Variants in HIVEP1 observed in about 807,000 individuals in gnomAD.
The protein encoded by HIVEP1 is HIVEP zinc finger 1.
A neutral mutation model predicts 180.0 loss-of-function variants in HIVEP1; 36 were observed. The observed-to-expected ratio is 0.20, with a 90% CI of 0.15 to 0.26. The LOEUF is 0.26. HIVEP1 is among the 10% of genes least tolerant of loss of function. The pLI, the probability that HIVEP1 is intolerant of heterozygous loss-of-function variation, is 1.00. For synonymous variants in HIVEP1, 1,239 were observed against 1,239.0 expected (o/e 1.00, Z 0.00); for missense variants, 3,143 against 3,268.7 (o/e 0.96, Z 0.94).
At chr6:12,175,332 G>A in the HIVEP1 span, among the ~76,000 whole-genome samples, 1 of 152,076 alleles carries the variant, frequency 6.6e-6, no homozygotes, top group Non-Finnish European at 1.5e-5. Context: ...TATTTTCTGT[G>A]CTTCAGTTTT....
intron 2 of HIVEP1, among the ~76,000 whole-genome samples, chr6:12,036,478 C>T (rs1769283497): frequency 6.6e-6 from 1 of 152,038 alleles, no homozygotes; most frequent in African/African-American, 2.4e-5. Flanking sequence ...GAGCATTTAC[C>T]CTGTGACTCT....
chr6:12,054,460 T>C (rs1333838773), intron 2 of HIVEP1, among the ~76,000 whole-genome samples: 1 of 151,056 alleles, frequency 6.6e-6, no homozygotes, highest in Non-Finnish European at 1.5e-5. Flanking sequence ...ATCTAGACTA[T>C]ATATACATGC....
rs1450965385 is a variant in HIVEP1 at position 12,134,443 on chromosome 6, A to G, written c.6386-1348A>G. On this transcript the variant is annotated intron_variant, in intron 6 of 8. Transcript: ENST00000379388. ...ATGTAGTGCAAGAATCAGCTTGTAC[A>G]GGGATGACCAGTTTCACAGGCTTAG... Among the ~76,000 whole-genome samples the G allele has an allele frequency of 2.0e-5, 3 of 152,208 alleles. No homozygotes were observed. In the East Asian group the frequency reaches 5.8e-4, roughly 29 times the overall value.
chr6:12,204,360 T>TCCCTTCCCTGCCTTCCTCTTTTACCTC, the HIVEP1 span, among the ~76,000 whole-genome samples: 4 of 150,528 alleles, frequency 2.7e-5, no homozygotes, highest in African/African-American at 7.3e-5. Context: ...TCAAGCTTCC[T>TCCCTTCCCTGCCTTCCTCTTTTACCTC]CCCTTCCCCG....
rs1757925994 is a variant in HIVEP1, at chr6:12,124,497, A to G, written c.4702A>G (p.Thr1568Ala). Residue 1568 changes from threonine to alanine, a missense_variant, in exon 4 of 9, where the codon ACT (threonine) becomes GCT (alanine). Around this residue, in one of 12 missense-constraint regions of HIVEP1, gnomAD observed 1,357 missense variants for 1,260.5 expected, o/e 1.08. Coordinates refer to ENST00000379388, the MANE Select transcript of HIVEP1 (RefSeq NM_002114.4). ...PKYQLHCQVF[T>A]SGPSCSSNPV... ...ATACCAATTGCATTGTCAGGTTTTC[A>G]CTTCAGGCCCATCTTGCTCTTCTAA... 1 of 1,614,180 alleles carries G rather than the reference A, an allele frequency of 6.2e-7. No individual in the cohort carries two copies. The highest frequency in any genetic ancestry group is 1.1e-5 in the South Asian group (1 of 91,080).
In HIVEP1 at chr6:12,120,495, C is replaced by T; in HGVS notation, c.700C>T (p.Pro234Ser). ...GCCAAATAAAACTGCACGTTCCCCT[C>T]CCAAATTAAAAAACAGTTCAATGGA... ...LRPNKTARSP[P>S]KLKNSSMDAP... Residue 234 changes from proline (P) to serine (S), a missense_variant, in exon 4 of 9, where the codon CCC becomes TCC. This residue lies in a region of HIVEP1 where 306 missense variants were observed against 310.6 expected (regional missense o/e 0.99). Transcript: ENST00000379388. 1 of 1,614,136 alleles carries T rather than the reference C, an allele frequency of 6.2e-7. No individual in the cohort carries two copies. Among genetic ancestry groups the T allele is most frequent in the African/African-American group, 1.3e-5 (1 of 75,042 alleles).
chr6:12,106,311 T>G (rs55637995), intron 3 of HIVEP1, among the ~76,000 whole-genome samples: 27,270 of 152,020 alleles, frequency 0.18, 2,935 homozygotes, highest in East Asian at 0.47. Flanking sequence ...GTTTGAAATT[T>G]TATAAAACTT....
intron 2 of HIVEP1, among the ~76,000 whole-genome samples, chr6:12,057,229 G>T (rs1475093130): frequency 6.6e-6 from 1 of 152,070 alleles, no homozygotes; most frequent in African/African-American, 2.4e-5. Flanking sequence ...GAATATAGAT[G>T]CTATTGTGAC....
At chr6:12,158,279 TAG>T (rs1415828051) in intron 7 of HIVEP1, among the ~76,000 whole-genome samples, 15 of 152,156 alleles carry the variant, frequency 9.9e-5, no homozygotes, top group Admixed American at 9.8e-4. Context: ...GTGTGGGAGT[TAG>T]AGTTTATCTA....
chr6:12,127,953 GCATTTATGATT>G (rs1279570747), intron 4 of HIVEP1, among the ~76,000 whole-genome samples: 1 of 152,138 alleles, frequency 6.6e-6, no homozygotes, highest in African/African-American at 2.4e-5. Context: ...AAATGTTAAT[GCATTTATGATT>G]CACAATGGGA....
chr6:12,211,263 G>C, the HIVEP1 span, among the ~76,000 whole-genome samples: 1 of 96,388 alleles, frequency 1.0e-5, no homozygotes, highest in Non-Finnish European at 2.0e-5. Context: ...AGCCGGGCGT[G>C]GTGGCAGGTG....
the HIVEP1 span, among the ~76,000 whole-genome samples, chr6:12,187,154 T>C: frequency 6.6e-6 from 1 of 152,132 alleles, no homozygotes; most frequent in African/African-American, 2.4e-5. Context: ...ATCGGGGTCA[T>C]AGAAGGAGAG....
chr6:12,099,197 T>TC (rs1390817853), intron 3 of HIVEP1, among the ~76,000 whole-genome samples: 3 of 151,062 alleles, frequency 2.0e-5, no homozygotes, highest in African/African-American at 7.3e-5. Flanking sequence ...TTTTTTTTTT[T>TC]TTGAGACGGA....
intron 7 of HIVEP1, among the ~76,000 whole-genome samples, chr6:12,137,193 T>TA (rs1758752647): frequency 6.6e-6 from 1 of 152,222 alleles, no homozygotes; most frequent in Non-Finnish European, 1.5e-5. Flanking sequence ...TTTCAGCAAG[T>TA]ACGTTCATTA....
At chr6:12,061,073 C>G (rs569117823) in intron 2 of HIVEP1, among the ~76,000 whole-genome samples, 1 of 151,992 alleles carries the variant, frequency 6.6e-6, no homozygotes, top group African/African-American at 2.4e-5. Context: ...TGTGCCGCGG[C>G]GGCACAGATA....
At chr6:12,172,210 C>G in the HIVEP1 span, among the ~76,000 whole-genome samples, 1 of 152,156 alleles carries the variant, frequency 6.6e-6, no homozygotes, top group Non-Finnish European at 1.5e-5. Context: ...TGCTTTTGTT[C>G]TCTGAGAAGC....
intron 2 of HIVEP1, among the ~76,000 whole-genome samples, chr6:12,016,861 A>C (rs1767788932): frequency 6.6e-6 from 1 of 152,194 alleles, no homozygotes; most frequent in African/African-American, 2.4e-5. Context: ...CTGTAGGAAA[A>C]GCCTCCAGAC....
At chr6:12,052,506 A>G (rs1294831731) in intron 2 of HIVEP1, among the ~76,000 whole-genome samples, 1 of 152,232 alleles carries the variant, frequency 6.6e-6, no homozygotes, top group Non-Finnish European at 1.5e-5. Flanking sequence ...ATTTGTGAAG[A>G]AGGGTACAAG....
chr6:12,174,811 CTTG>C, the HIVEP1 span, among the ~76,000 whole-genome samples: 2 of 151,938 alleles, frequency 1.3e-5, no homozygotes, highest in Admixed American at 1.3e-4. Flanking sequence ...TGTTGTTGTC[CTTG>C]TTGTTGCTAT....
Sources: allele counts gnomAD v4.1 joint callset (sites outside exome capture counted in the v4.1 genomes callset), GRCh38; gene constraint gnomAD v4.1.1; regional missense constraint gnomAD v4.1.1; transcripts MANE v1.5; gene names NCBI Gene and HGNC (gene_info 2026-07-23, HGNC 2026-07-21).